EFHC1: variants seen among roughly 807,000 people sequenced by gnomAD.
The protein encoded by EFHC1 is EF-hand domain containing 1.
Under a neutral mutation model 69.9 loss-of-function variants are expected in EFHC1, and 53 were observed. The observed-to-expected ratio is 0.76, with a 90% CI of 0.61 to 0.95. The LOEUF (loss-of-function observed/expected upper bound fraction) is 0.95. EFHC1 is among the 40% of genes least tolerant of loss of function. EFHC1 has a pLI of 0.00. For missense variants in EFHC1, 739 were observed against 798.7 expected, an observed-to-expected ratio of 0.93 and a Z score of 0.90; for synonymous variants, 256 against 278.4, an observed-to-expected ratio of 0.92 and a Z score of 0.80.
At chr6:52,421,925 CAT>C (rs1219195982) in intron 1 of EFHC1, among the ~76,000 whole-genome samples, 2 of 152,180 alleles carry the variant, frequency 1.3e-5, no homozygotes, top group East Asian at 1.9e-4. Context: ...GCTCTAAAAA[CAT>C]ATTGCTGTAT....
intron 7 of EFHC1, among the ~76,000 whole-genome samples, chr6:52,475,820 C>G (rs2114019727): frequency 6.6e-6 from 1 of 152,288 alleles, no homozygotes; most frequent in East Asian, 1.9e-4. Context: ...AATATTTGCT[C>G]TCATGGAGCT....
chr6:52,448,187 A>T (rs1220214826), intron 3 of EFHC1, among the ~76,000 whole-genome samples: 1 of 152,164 alleles, frequency 6.6e-6, no homozygotes, highest in Non-Finnish European at 1.5e-5. Context: ...CTACAGAGGC[A>T]GGCAGGCCTC....
In EFHC1 at chr6:52,454,094, G is replaced by A. The variant is rs1440177072; in HGVS notation, c.724-1G>A. ...GAGTCACTACTTTGGATTCTTCAAA[G>A]GTCCTTCGATTCTATGCAATCTGGG... On this transcript the variant is annotated splice_acceptor_variant, in intron 4 of 10. Coordinates refer to ENST00000371068, the MANE Select transcript of EFHC1 (RefSeq NM_018100.4). LOFTEE classifies it high-confidence loss of function. 7 of 1,612,954 alleles carry A rather than the reference G, an allele frequency of 4.3e-6. No individual in the cohort carries two copies. The highest frequency in any genetic ancestry group is 1.1e-5 in the South Asian group (1 of 90,964).
chr6:52,427,256 T>C (rs1764319858), intron 2 of EFHC1, among the ~76,000 whole-genome samples: 1 of 152,176 alleles, frequency 6.6e-6, no homozygotes. Flanking sequence ...GATCCAACTC[T>C]ACAGGTTCCT....
intron 3 of EFHC1, among the ~76,000 whole-genome samples, chr6:52,442,329 G>T (rs1386945927): frequency 1.3e-5 from 2 of 151,868 alleles, no homozygotes; most frequent in African/African-American, 4.8e-5. Flanking sequence ...TAAGTTATGG[G>T]GTACATGCGC....
intron 9 of EFHC1, chr6:52,484,038 G>C (rs1033607028): frequency 2.6e-5 from 4 of 152,108 alleles, no homozygotes; most frequent in Admixed American, 6.5e-5. Flanking sequence ...TTTTGTTTTT[G>C]CTTTTGTTTT....
intron 9 of EFHC1, chr6:52,488,068 A>T (rs1765823066): frequency 6.6e-6 from 1 of 152,204 alleles, no homozygotes; most frequent in Non-Finnish European, 1.5e-5. Context: ...CTGCTGTATA[A>T]AGGGGAATGG....
At chr6:52,423,421 A>C (rs1221678053) in intron 1 of EFHC1, among the ~76,000 whole-genome samples, 1 of 152,166 alleles carries the variant, frequency 6.6e-6, no homozygotes, top group African/African-American at 2.4e-5. Flanking sequence ...TTTTACTTTA[A>C]GCTTAGGTGG....
chr6:52,442,884 A>G (rs1764697007), intron 3 of EFHC1, among the ~76,000 whole-genome samples: 1 of 152,024 alleles, frequency 6.6e-6, no homozygotes, highest in Non-Finnish European at 1.5e-5. Context: ...GTCTTCCACA[A>G]TGGTTGAATT....
At chr6:52,438,856 A>G (rs1039866526) in intron 3 of EFHC1, among the ~76,000 whole-genome samples, 25 of 152,242 alleles carry the variant, frequency 1.6e-4, no homozygotes, top group Non-Finnish European at 3.1e-4. Flanking sequence ...AAACCAGGTT[A>G]AAATGGCAGT....
At position 52,431,165 on chromosome 6, in the gene EFHC1, CTTTTGTTTT is replaced by C. The variant is rs1764404550; in HGVS notation, c.285+7007_285+7015del. 5.9e-5 allele frequency among the ~76,000 whole-genome samples: 9 copies of C among 151,748 alleles called. 1 individual carries two copies. The South Asian group carries it at 1.9e-3, about 32-fold the overall frequency. On this transcript the variant is annotated intron_variant, in intron 2 of 10. Transcript: ENST00000371068. ...AGAACCAGCTTTTTGTTTCATTTATCTTTTGTTTTTTTTGTTTGTTTATTTCAATTTCAT... is the reference window on the plus strand; with the variant it reads ...AGAACCAGCTTTTTGTTTCATTTATCTTTTGTTTGTTTATTTCAATTTCAT...
intron 5 of EFHC1, among the ~76,000 whole-genome samples, chr6:52,456,872 G>A (rs1269994662): frequency 2.0e-5 from 3 of 152,096 alleles, no homozygotes; most frequent in Admixed American, 6.5e-5. Context: ...CGGAGATTGC[G>A]CCACTTCACT....
In EFHC1 at chr6:52,494,512, G is replaced by T. The variant is rs940021190; in HGVS notation, c.*2171G>T. ...GGGCAAAGTCTTATTTCTGTGGCTAGTAATGTCGTAATGTGGGGCCAGGTC... is the reference window on the plus strand; with the variant it reads ...GGGCAAAGTCTTATTTCTGTGGCTATTAATGTCGTAATGTGGGGCCAGGTC... On this transcript the variant is annotated 3_prime_UTR_variant, in exon 11 of 11. Transcript: ENST00000371068. The T allele has an allele frequency of 4.4e-6, 2 of 454,130 alleles. No individual in the cohort carries two copies. Among genetic ancestry groups the T allele is most frequent in the Non-Finnish European group, 8.8e-6 (2 of 226,798 alleles). 28.1% of individuals were successfully genotyped at this position (454,130 alleles called of 1,614,324 possible).
chr6:52,468,750 T>C (rs970607512), intron 6 of EFHC1: 4 of 157,788 alleles, frequency 2.5e-5, no homozygotes, highest in African/African-American at 9.6e-5. Context: ...GGTTTTGCAA[T>C]TGAAGCAAAT....
In EFHC1 at chr6:52,479,068, G is replaced by A. The variant is rs761440315; in HGVS notation, c.1310G>A (p.Arg437Lys). Residue 437 changes from arginine to lysine, a missense_variant, in exon 8 of 11, where the codon AGA (arginine) becomes AAA (lysine). Coordinates refer to ENST00000371068, the MANE Select transcript of EFHC1 (RefSeq NM_018100.4). ...CCCATCCCAGAAGACAAAGACCGCA[G>A]ATTTGTCTTCTCTTACTTTCTAGCT... ...ESPIPEDKDR[R>K]FVFSYFLATD... 9.9e-6 allele frequency: 16 copies of A among 1,614,008 alleles called. 1 individual carries two copies. The South Asian group carries it at 1.8e-4, about 18-fold the overall frequency.
chr6:52,494,469 G>C lies in EFHC1; in HGVS notation c.*2128G>C. ...GTAGGCTCTGGGAAAGGTTAAGCGG[G>C]TAGAAACCAGAGAAAAAGGGCAAAG... On this transcript the variant is annotated 3_prime_UTR_variant, in exon 11 of 11. Coordinates refer to ENST00000371068, the MANE Select transcript of EFHC1 (RefSeq NM_018100.4). 2.2e-6 allele frequency: 1 copy of C among 454,122 alleles called. No homozygotes were observed. Among genetic ancestry groups the C allele is most frequent in the Non-Finnish European group, 4.4e-6 (1 of 226,796 alleles). 28.1% of individuals were successfully genotyped at this position (454,122 alleles called of 1,614,324 possible). A position where few individuals can be genotyped will look rare whatever the true frequency, so the allele number is the denominator to read the frequency against.
intron 2 of EFHC1, among the ~76,000 whole-genome samples, chr6:52,428,705 A>G (rs1764354741): frequency 6.6e-6 from 1 of 152,212 alleles, no homozygotes; most frequent in Non-Finnish European, 1.5e-5. Flanking sequence ...GATACCCAGT[A>G]GTGGGATTGC....
At chr6:52,468,010 G>A (rs1467431939) in intron 6 of EFHC1, among the ~76,000 whole-genome samples, 1 of 152,174 alleles carries the variant, frequency 6.6e-6, no homozygotes, top group African/African-American at 2.4e-5. Context: ...CAATTCGAGA[G>A]GTATGGCACT....
At chr6:52,474,807 T>C (rs1173672231) in intron 7 of EFHC1, among the ~76,000 whole-genome samples, 1 of 152,184 alleles carries the variant, frequency 6.6e-6, no homozygotes, top group Non-Finnish European at 1.5e-5. Context: ...AAAACAAAAC[T>C]TTATGGATGT....
Sources: allele counts gnomAD v4.1 joint callset (sites outside exome capture counted in the v4.1 genomes callset), GRCh38; gene constraint gnomAD v4.1.1; transcripts MANE v1.5; gene names NCBI Gene and HGNC (gene_info 2026-07-23, HGNC 2026-07-21).